Variants in SLC6A15 observed in about 807,000 individuals in gnomAD.
SLC6A15 encodes the protein sodium-dependent neutral amino acid transporter B(0)AT2.
Under a neutral mutation model 68.5 loss-of-function variants are expected in SLC6A15, and 33 were observed. The ratio of observed to expected loss-of-function variants is 0.48; its 90% CI spans 0.37 to 0.64. The LOEUF is 0.64. Among genes scored for constraint, SLC6A15 ranks in the 30% least tolerant of loss-of-function variants. The pLI, the probability that SLC6A15 is intolerant of heterozygous loss-of-function variation, is 0.00. For missense variants in SLC6A15, 747 were observed against 874.3 expected (o/e 0.85, Z 1.84); for synonymous variants, 347 against 301.0 (o/e 1.15, Z -1.58).
chr12:84,883,873 G>GAAT lies in SLC6A15; in HGVS notation c.739_741dup (p.Ile247dup). The GAAT allele has an allele frequency of 6.2e-7, 1 of 1,614,088 alleles. No individual in the cohort carries two copies. The highest frequency in any genetic ancestry group is 8.5e-7 in the Non-Finnish European group (1 of 1,180,002). ...AACATACTAACTTTTCCAGAAGACT[G>GAAT]AATGCCTTTGATCATAGCCAAGCAA... On this transcript the variant is annotated inframe_insertion, in exon 5 of 12. Transcript: ENST00000266682.
At chr12:84,899,322 G>C (rs201927587) in intron 1 of SLC6A15, among the ~76,000 whole-genome samples, 1 of 150,222 alleles carries the variant, frequency 6.7e-6, no homozygotes, top group East Asian at 1.9e-4. Flanking sequence ...GCGTAGAAAG[G>C]AAAAAAAAAT....
intron 2 of SLC6A15, among the ~76,000 whole-genome samples, chr12:84,891,096 CTAAGA>C (rs763404805): frequency 2.0e-5 from 3 of 152,052 alleles, no homozygotes; most frequent in Non-Finnish European, 4.4e-5. Context: ...CCCTAGACTT[CTAAGA>C]TAATTTTGCT....
At chr12:84,906,515 C>T (rs1873161864) in intron 1 of SLC6A15, among the ~76,000 whole-genome samples, 1 of 152,156 alleles carries the variant, frequency 6.6e-6, no homozygotes, top group Non-Finnish European at 1.5e-5. Context: ...AGGAATGATT[C>T]TATCGAATTT....
intron 1 of SLC6A15, among the ~76,000 whole-genome samples, chr12:84,895,550 T>C (rs1259400352): frequency 6.6e-6 from 1 of 151,812 alleles, no homozygotes; most frequent in East Asian, 1.9e-4. Context: ...GGTTTCACCT[T>C]CTTGGTCAGG....
At chr12:84,911,253 A>C (rs955671100) in intron 1 of SLC6A15, among the ~76,000 whole-genome samples, 1 of 152,198 alleles carries the variant, frequency 6.6e-6, no homozygotes, top group African/African-American at 2.4e-5. Context: ...GAGGAGCCCC[A>C]AAGCAGCATA....
chr12:84,885,874 TA>T (rs1236465367), intron 3 of SLC6A15, 36 bp downstream of exon 3: 8 of 1,553,236 alleles, frequency 5.2e-6, no homozygotes, highest in Non-Finnish European at 6.1e-6. Context: ...TGAAACCCTA[TA>T]AAGATTACAG....
At chr12:84,889,352 C>G (rs144695617) in intron 2 of SLC6A15, among the ~76,000 whole-genome samples, 1 of 151,602 alleles carries the variant, frequency 6.6e-6, no homozygotes, top group Non-Finnish European at 1.5e-5. Flanking sequence ...TAGCTGGGCG[C>G]GGTGGCGGGC....
chr12:84,888,651 T>A (rs1347637429), intron 2 of SLC6A15, among the ~76,000 whole-genome samples: 1 of 152,100 alleles, frequency 6.6e-6, no homozygotes, highest in East Asian at 1.9e-4. Flanking sequence ...AAAAACTACA[T>A]ATTATGTACA....
intron 1 of SLC6A15, among the ~76,000 whole-genome samples, chr12:84,900,039 A>T (rs781325542): frequency 8.5e-5 from 13 of 152,074 alleles, no homozygotes; most frequent in Non-Finnish European, 1.5e-4. Context: ...CTAGGATTTA[A>T]AATTGAATTA....
At chr12:84,891,688 A>T (rs1872401403) in intron 2 of SLC6A15, 144 bp downstream of exon 2, 1 of 826,622 alleles carries the variant, frequency 1.2e-6, no homozygotes, top group South Asian at 1.9e-5. Flanking sequence ...ATCTGGGCTC[A>T]CTTCCCACAA....
intron 5 of SLC6A15, among the ~76,000 whole-genome samples, chr12:84,879,722 A>G (rs1015363245): frequency 1.3e-5 from 2 of 151,806 alleles, no homozygotes; most frequent in African/African-American, 4.8e-5. Context: ...ATATAATACT[A>G]AAACATATTG....
At chr12:84,897,047 G>T (rs1330013073) in intron 1 of SLC6A15, among the ~76,000 whole-genome samples, 3 of 152,046 alleles carry the variant, frequency 2.0e-5, no homozygotes, top group African/African-American at 7.2e-5. Context: ...ACAAAAATTA[G>T]CTGGGTGTGG....
chr12:84,910,492 A>C (rs1873384581), intron 1 of SLC6A15, among the ~76,000 whole-genome samples: 1 of 152,202 alleles, frequency 6.6e-6, no homozygotes, highest in Non-Finnish European at 1.5e-5. Context: ...GAGAGAAAAA[A>C]ATACATACTG....
chr12:84,904,812 A>C (rs1030983682), intron 1 of SLC6A15, among the ~76,000 whole-genome samples: 3 of 152,228 alleles, frequency 2.0e-5, no homozygotes, highest in Non-Finnish European at 1.5e-5. Flanking sequence ...AACTCTACAC[A>C]CATAAATTTA....
chr12:84,876,374 A>C (rs1367504346), intron 6 of SLC6A15, 123 bp downstream of exon 6: 2 of 519,944 alleles, frequency 3.8e-6, no homozygotes, highest in South Asian at 4.0e-5. Flanking sequence ...GTTAACAACT[A>C]TAATTTAAAA....
chr12:84,883,993 A>G lies in SLC6A15; in HGVS notation c.622T>C (p.Tyr208His). ...CTTGAAATATTCAGTGCTTCCCTGTACCAGTAATAGGTGGTGGCAGAACTT... is the reference window on the plus strand; with the variant it reads ...CTTGAAATATTCAGTGCTTCCCTGTGCCAGTAATAGGTGGTGGCAGAACTT... Reference protein sequence around the residue: ...EQSSATTYYWYREALNISSSI... With the variant: ...EQSSATTYYWHREALNISSSI... Residue 208 changes from tyrosine (Y) to histidine (H), a missense_variant, in exon 5 of 12, where the codon TAC becomes CAC. By Grantham distance (83) the Tyr-to-His change is moderately conservative (BLOSUM62 2). Coordinates refer to ENST00000266682, the MANE Select transcript of SLC6A15 (RefSeq NM_182767.6). The G allele has an allele frequency of 5.6e-6, 9 of 1,614,196 alleles. No individual in the cohort carries two copies. Among genetic ancestry groups the G allele is most frequent in the Non-Finnish European group, 7.6e-6 (9 of 1,180,036 alleles).
chr12:84,896,300 T>C (rs760889835), intron 1 of SLC6A15, among the ~76,000 whole-genome samples: 4 of 151,966 alleles, frequency 2.6e-5, no homozygotes, highest in Non-Finnish European at 5.9e-5. Context: ...GTAAAAAAGA[T>C]TGTATTGGCA....
chr12:84,890,930 T>A (rs1409429376), intron 2 of SLC6A15, among the ~76,000 whole-genome samples: 2 of 152,190 alleles, frequency 1.3e-5, no homozygotes, highest in Admixed American at 1.3e-4. Context: ...GCCACACTTA[T>A]TTTAACAGCA....
At chr12:84,904,434 T>C (rs1297007017) in intron 1 of SLC6A15, among the ~76,000 whole-genome samples, 2 of 152,170 alleles carry the variant, frequency 1.3e-5, no homozygotes, top group African/African-American at 4.8e-5. Flanking sequence ...CACTATGTTG[T>C]AGAATGGTTT....
Sources: allele counts gnomAD v4.1 joint callset (sites outside exome capture counted in the v4.1 genomes callset), GRCh38; gene constraint gnomAD v4.1.1; transcripts MANE v1.5; gene names NCBI Gene and HGNC (gene_info 2026-07-23, HGNC 2026-07-21).